The following SORCS1 variants were observed in gnomAD, a reference collection of about 807,000 sequenced individuals.
SORCS1 encodes sortilin related VPS10 domain containing receptor 1.
In SORCS1, 60 loss-of-function variants were observed where a neutral mutation model predicts 146.1. The ratio of observed to expected loss-of-function variants is 0.41; its 90% confidence interval spans 0.33 to 0.51. SORCS1 has a LOEUF of 0.51. Among genes scored for constraint, SORCS1 ranks in the 20% least tolerant of loss-of-function variants. SORCS1 has a pLI of 0.21. For missense variants in SORCS1, 1,352 were observed against 1,487.6 expected (o/e 0.91, Z 1.50); for synonymous variants, 637 against 584.0 (o/e 1.09, Z -1.31).
intron 2 of SORCS1, among the ~76,000 whole-genome samples, chr10:106,867,345 T>A (rs1249246823): frequency 6.6e-6 from 1 of 151,674 alleles, no homozygotes; most frequent in Non-Finnish European, 1.5e-5. Context: ...AGTGCAGTGG[T>A]GCAGTCTCGG....
intron 1 of SORCS1, among the ~76,000 whole-genome samples, chr10:106,982,258 T>C (rs1302817412): frequency 2.0e-5 from 3 of 152,230 alleles, no homozygotes; most frequent in Admixed American, 2.0e-4. Flanking sequence ...ATTTTCACTG[T>C]GCTGACTTGT....
At chr10:106,769,969 T>A (rs879205360) in intron 4 of SORCS1, among the ~76,000 whole-genome samples, 4 of 151,838 alleles carry the variant, frequency 2.6e-5, no homozygotes, top group Admixed American at 2.6e-4. Context: ...GGCAGGTGCC[T>A]GTAATCCCAG....
At chr10:107,086,423 C>T (rs536583663) in intron 1 of SORCS1, among the ~76,000 whole-genome samples, 19 of 152,142 alleles carry the variant, frequency 1.2e-4, no homozygotes, top group Admixed American at 3.3e-4. Context: ...TTGAGATATC[C>T]TAAAATTATC....
chr10:106,852,480 T>A (rs765049779), intron 2 of SORCS1, among the ~76,000 whole-genome samples: 1 of 151,846 alleles, frequency 6.6e-6, no homozygotes, highest in African/African-American at 2.4e-5. Context: ...ATACAAAAAT[T>A]AGCTGGGCAT....
intron 2 of SORCS1, among the ~76,000 whole-genome samples, chr10:106,897,668 A>C (rs1030537652): frequency 5.5e-4 from 83 of 151,498 alleles, no homozygotes; most frequent in African/African-American, 1.9e-3. Flanking sequence ...CCTTCCCAAC[A>C]CTCAAATTTC....
intron 3 of SORCS1, 148 bp downstream of exon 3, chr10:106,829,426 C>T: frequency 1.8e-6 from 1 of 563,862 alleles, no homozygotes; most frequent in Non-Finnish European, 3.2e-6. Flanking sequence ...ATGTGTCAGA[C>T]ATTTTACAAT....
chr10:106,948,253 C>T (rs149209753), intron 2 of SORCS1, among the ~76,000 whole-genome samples: 32 of 149,658 alleles, frequency 2.1e-4, no homozygotes, highest in Non-Finnish European at 4.0e-4. Context: ...AAAGCTGAAT[C>T]TAGGTGGTAT....
chr10:106,818,073 C>T (rs1017831601), intron 3 of SORCS1, among the ~76,000 whole-genome samples: 3 of 152,182 alleles, frequency 2.0e-5, no homozygotes, highest in Non-Finnish European at 4.4e-5. Context: ...TTATATTCAC[C>T]TTTATGCTTG....
At chr10:106,652,063 G>A (rs1849905109) in intron 18 of SORCS1, among the ~76,000 whole-genome samples, 1 of 152,162 alleles carries the variant, frequency 6.6e-6, no homozygotes, top group Non-Finnish European at 1.5e-5. Context: ...ATTATTTCAG[G>A]AATGTTATTT....
intron 3 of SORCS1, among the ~76,000 whole-genome samples, chr10:106,779,085 T>C (rs1042458868): frequency 6.6e-6 from 1 of 150,884 alleles, no homozygotes; most frequent in East Asian, 2.0e-4. Context: ...CTTAATATTA[T>C]AAAAATAAAG....
chr10:106,665,818 G>C (rs1040201028), intron 17 of SORCS1, among the ~76,000 whole-genome samples: 30 of 152,132 alleles, frequency 2.0e-4, no homozygotes, highest in African/African-American at 7.0e-4. Context: ...TTGGTCAAAT[G>C]TTACACTTCT....
intron 2 of SORCS1, among the ~76,000 whole-genome samples, chr10:106,852,499 A>T (rs1307898396): frequency 6.6e-6 from 1 of 151,864 alleles, no homozygotes; most frequent in Non-Finnish European, 1.5e-5. Context: ...ATGGTGTTGC[A>T]CGCCTGTAGT....
rs1167838019 is a variant in SORCS1 at position 106,968,207 on chromosome 10, CA to C, written c.559-11628del. Reference sequence around the variant, plus strand: ...CCTGGGCGACAGCGAGACTTCGTCTCAAAAAAAAAAAGAGAAAAGATGTACC... The same window carrying C: ...CCTGGGCGACAGCGAGACTTCGTCTCAAAAAAAAAAGAGAAAAGATGTACC... On this transcript the variant is annotated intron_variant, in intron 1 of 25. Transcript: ENST00000263054. Among the ~76,000 whole-genome samples the C allele has an allele frequency of 2.4e-3, 336 of 140,996 alleles. 1 individual carries two copies. Among genetic ancestry groups the C allele is most frequent in the Middle Eastern group, 0.018 (5 of 282 alleles). 92.5% of individuals were successfully genotyped at this position (140,996 alleles called of 152,430 possible). A position where few individuals can be genotyped will look rare whatever the true frequency, so the allele number is the denominator to read the frequency against.
At chr10:106,993,399 A>G (rs1956854616) in intron 1 of SORCS1, among the ~76,000 whole-genome samples, 1 of 152,220 alleles carries the variant, frequency 6.6e-6, no homozygotes, top group Non-Finnish European at 1.5e-5. Context: ...CATCCCTGCT[A>G]CTTTTTATCA....
intron 3 of SORCS1, among the ~76,000 whole-genome samples, chr10:106,818,239 T>A (rs1947838400): frequency 6.6e-6 from 1 of 152,212 alleles, no homozygotes; most frequent in Non-Finnish European, 1.5e-5. Context: ...TTTAGTTGTA[T>A]TAATTCAATA....
intron 6 of SORCS1, among the ~76,000 whole-genome samples, chr10:106,729,437 C>G (rs969503155): frequency 7.6e-6 from 1 of 132,266 alleles, no homozygotes; most frequent in African/African-American, 3.0e-5. Context: ...AAAATTCTCT[C>G]TCTCTCTTTT....
rs913066658 is a variant in SORCS1 at position 107,164,384 on chromosome 10, C to G, written c.143G>C (p.Arg48Pro). The G allele has an allele frequency of 6.8e-7, 1 of 1,460,258 alleles. No individual in the cohort carries two copies. The highest frequency in any genetic ancestry group is 2.6e-5 in the Admixed American group (1 of 38,692). 90.5% of individuals were successfully genotyped at this position (1,460,258 alleles called of 1,614,324 possible). Reference protein sequence around the residue: ...CPSPHPSSAPRSASTPRGFSH... With the variant: ...CPSPHPSSAPPSASTPRGFSH... ...AAAGCCCCTAGGGGTCGAGGCCGAGCGTGGAGCGGAGCTGGGGTGCGGCGA... is the reference window on the plus strand; with the variant it reads ...AAAGCCCCTAGGGGTCGAGGCCGAGGGTGGAGCGGAGCTGGGGTGCGGCGA... Residue 48 changes from arginine (R) to proline (P), a missense_variant, in exon 1 of 26, where the codon CGC (arginine) becomes CCC (proline). This residue lies in a region of SORCS1 where 490 missense variants were observed against 489.1 expected (regional missense o/e 1.00). Transcript: ENST00000263054. The surrounding 1 kb of genome is among the most constrained non-coding windows in gnomAD (Gnocchi z 6.8).
chr10:106,781,760 G>T (rs985866472), intron 3 of SORCS1, among the ~76,000 whole-genome samples: 7 of 152,116 alleles, frequency 4.6e-5, no homozygotes, highest in Admixed American at 1.3e-4. Context: ...ATGAGCTGAG[G>T]GAAAGAGCAA....
At chr10:106,620,398 C>A (rs781008659) in intron 20 of SORCS1, 30 bp downstream of exon 20, 6 of 1,600,826 alleles carry the variant, frequency 3.7e-6, no homozygotes, top group Admixed American at 3.4e-5. Flanking sequence ...GAGCTTCTGT[C>A]CCTAGATCGC....
Sources: gnomAD v4.1 joint callset for allele counts (sites outside exome capture counted in the v4.1 genomes callset) on GRCh38, gnomAD v4.1.1 for gene constraint, gnomAD v4.1.1 regional missense constraint, Gnocchi (gnomAD v3.1) non-coding constraint, MANE v1.5 for transcripts, NCBI Gene and HGNC (gene_info 2026-07-23, HGNC 2026-07-21) for gene names.